The following PLXNA4 variants were observed in gnomAD, a reference collection of about 807,000 sequenced individuals.
The protein encoded by PLXNA4 is plexin-A4.
PLXNA4 carries 44 observed loss-of-function variants against 191.8 expected under a neutral mutation model. The observed-to-expected ratio is 0.23, with a 90% CI of 0.18 to 0.29. The LOEUF (loss-of-function observed/expected upper bound fraction) is 0.29, where lower values mean the gene tolerates loss of function less well. PLXNA4 is among the 10% of genes least tolerant of loss of function. The pLI, the probability that PLXNA4 is intolerant of heterozygous loss-of-function variation, is 1.00. For missense variants in PLXNA4, 1,800 were observed against 2,488.8 expected (o/e 0.72, Z 5.89); for synonymous variants, 1,082 against 1,009.5 (o/e 1.07, Z -1.36).
chr7:132,294,253 G>C (rs73157263), intron 4 of PLXNA4, among the ~76,000 whole-genome samples: 15,380 of 152,208 alleles, frequency 0.1, 882 homozygotes, highest in Middle Eastern at 0.16. Flanking sequence ...GGAACAACCA[G>C]GACAAAGATC....
At position 132,185,541 on chromosome 7, in the gene PLXNA4, C is replaced by T. The variant is rs368994338; in HGVS notation, c.2994-78G>A. On this transcript the variant is annotated intron_variant, in intron 15 of 31. Coordinates refer to ENST00000321063, the MANE Select transcript of PLXNA4 (RefSeq NM_020911.2). The stretch of plus-strand genomic sequence containing the variant: ...GTCCTGAGTCAAGGCCCTCCCACAC[C>T]GCTCCCTGCATGTCAGGATGCTCAG... 673 of 1,517,098 alleles carry T rather than the reference C, an allele frequency of 4.4e-4. 1 individual carries two copies. The Middle Eastern group carries it at 8.8e-3, about 20-fold the overall frequency. The allele number at this position is 1,517,098 out of a possible 1,614,324, so 94.0% of individuals were successfully genotyped here. A position where few individuals can be genotyped will look rare whatever the true frequency, so the allele number is the denominator to read the frequency against.
chr7:132,293,591 C>G (rs1800970146), intron 4 of PLXNA4, among the ~76,000 whole-genome samples: 1 of 152,182 alleles, frequency 6.6e-6, no homozygotes, highest in South Asian at 2.1e-4. Flanking sequence ...AACACCAGGA[C>G]AAAAAGGTTG....
At position 132,489,326 on chromosome 7, in the gene PLXNA4, G is replaced by A; in HGVS notation, c.1337C>T (p.Ala446Val). ...IAYVYKNHSL[A>V]FVGTKSGKLK... ...CTTGCCACTTTTGGTGCCCACAAAG[G>A]CCAGAGAGTGGTTCTTGTAGACATA... Residue 446 changes from alanine to valine, a missense_variant, in exon 3 of 32, where the codon GCC (alanine) becomes GTC (valine). Ala to Val is a moderately conservative substitution (Grantham distance 64). Coordinates refer to ENST00000321063, the MANE Select transcript of PLXNA4 (RefSeq NM_020911.2). 4 of 1,592,688 alleles carry A rather than the reference G, an allele frequency of 2.5e-6. No individual in the cohort carries two copies. In the South Asian group the frequency reaches 4.4e-5, roughly 18 times the overall value.
intron 4 of PLXNA4, among the ~76,000 whole-genome samples, chr7:132,296,531 C>T (rs1288642573): frequency 2.0e-5 from 3 of 151,870 alleles, no homozygotes; most frequent in African/African-American, 7.3e-5. Context: ...CCTTGGCCTC[C>T]CGAGCAGCTG....
chr7:132,312,913 G>A (rs1801801288), intron 3 of PLXNA4, among the ~76,000 whole-genome samples: 1 of 152,184 alleles, frequency 6.6e-6, no homozygotes, highest in South Asian at 2.1e-4. Flanking sequence ...ACTGACCCAT[G>A]ACACACCTCT....
chr7:132,247,217 A>G (rs61213001), intron 4 of PLXNA4, among the ~76,000 whole-genome samples: 1 of 152,194 alleles, frequency 6.6e-6, no homozygotes, highest in African/African-American at 2.4e-5. Context: ...TATAGCATGC[A>G]GTCTCTGTGT....
intron 3 of PLXNA4, among the ~76,000 whole-genome samples, chr7:132,311,241 G>A (rs185461679): frequency 5.8e-4 from 88 of 151,062 alleles, no homozygotes; most frequent in African/African-American, 1.9e-3. Context: ...GGATGCATGT[G>A]ACGTTACCCA....
At chr7:132,571,760 C>T (rs969999046) in intron 1 of PLXNA4, among the ~76,000 whole-genome samples, 1 of 152,162 alleles carries the variant, frequency 6.6e-6, no homozygotes, top group Middle Eastern at 3.2e-3. Context: ...TTGAAGCAGT[C>T]ACCAGGGAGA....
Position 132,603,247 on chromosome 7 carries a change from T to C in PLXNA4, c.-87+42681A>G, listed in dbSNP as rs561909154. 1.7e-4 allele frequency among the ~76,000 whole-genome samples: 21 copies of C among 123,304 alleles called. No individual in the cohort carries two copies. In the South Asian group the frequency reaches 5.2e-3, roughly 31 times the overall value. The allele number at this position is 123,304 out of a possible 152,430, so 80.9% of individuals were successfully genotyped here. On this transcript the variant is annotated intron_variant, in intron 2 of 4. Coordinates refer to the PLXNA4 transcript ENST00000378539. Reference sequence around the variant, plus strand: ...ACTGCTGGGATCTGTATTCTCTTTATTGAAAAAAAAATATCAAATGGACTG... The same window carrying C: ...ACTGCTGGGATCTGTATTCTCTTTACTGAAAAAAAAATATCAAATGGACTG...
intron 2 of PLXNA4, among the ~76,000 whole-genome samples, chr7:132,607,559 G>A (rs535126777): frequency 1.7e-4 from 26 of 152,342 alleles, no homozygotes; most frequent in African/African-American, 5.8e-4. Flanking sequence ...TTTGACAGAA[G>A]CACCTTAATG....
intron 3 of PLXNA4, among the ~76,000 whole-genome samples, chr7:132,457,607 A>G (rs903012617): frequency 3.3e-5 from 5 of 152,186 alleles, no homozygotes; most frequent in African/African-American, 9.7e-5. Flanking sequence ...TCCCTTATAC[A>G]TTACCTTCTA....
chr7:132,452,740 G>T (rs570646721), intron 3 of PLXNA4, among the ~76,000 whole-genome samples: 25 of 152,312 alleles, frequency 1.6e-4, no homozygotes, highest in Non-Finnish European at 3.1e-4. Context: ...AGATGGGGTT[G>T]GACATGAGCA....
At chr7:132,521,443 C>A (rs2116365476) in intron 1 of PLXNA4, among the ~76,000 whole-genome samples, 1 of 152,270 alleles carries the variant, frequency 6.6e-6, no homozygotes, top group East Asian at 1.9e-4. Flanking sequence ...ATTCCTTACT[C>A]CCAAGAATTA....
chr7:132,347,187 T>C (rs1278422790), intron 3 of PLXNA4, among the ~76,000 whole-genome samples: 1 of 152,202 alleles, frequency 6.6e-6, no homozygotes, highest in Non-Finnish European at 1.5e-5. Context: ...ATCAAAGCAC[T>C]CTCAGCTGAA....
chr7:132,460,542 G>A (rs528989255), intron 3 of PLXNA4, among the ~76,000 whole-genome samples: 5 of 152,268 alleles, frequency 3.3e-5, no homozygotes, highest in Admixed American at 2.0e-4. Flanking sequence ...AACCTTGGGT[G>A]ATGTTTTGCC....
At chr7:132,427,652 C>T (rs1397546067) in intron 3 of PLXNA4, among the ~76,000 whole-genome samples, 1 of 152,174 alleles carries the variant, frequency 6.6e-6, no homozygotes, top group African/African-American at 2.4e-5. Flanking sequence ...TGGGGTCAGA[C>T]CTGCTGGGCT....
At chr7:132,609,729 C>T (rs1476948260) in intron 2 of PLXNA4, among the ~76,000 whole-genome samples, 1 of 152,214 alleles carries the variant, frequency 6.6e-6, no homozygotes, top group Non-Finnish European at 1.5e-5. Flanking sequence ...AGATTTGAAC[C>T]TCTGGCTGTC....
rs142935521 is a variant in PLXNA4, at chr7:132,443,366, G to A, written c.1371+45926C>T. On this transcript the variant is annotated intron_variant, in intron 3 of 31. Transcript: ENST00000321063. ...TCCCAAGCCTTCAGAGAGAGCAGTC[G>A]CACTGCCTGAAGTTTAAATCAACTA... Among the ~76,000 whole-genome samples, 580 of 152,266 alleles carry A rather than the reference G, an allele frequency of 3.8e-3. 9 individuals are homozygous for A. The highest frequency in any genetic ancestry group is 0.013 in the African/African-American group (559 of 41,554).
At chr7:132,563,084 C>T (rs1390686471) in intron 1 of PLXNA4, among the ~76,000 whole-genome samples, 1 of 88,654 alleles carries the variant, frequency 1.1e-5, no homozygotes, top group Non-Finnish European at 2.4e-5. Context: ...TCCTTCTCCT[C>T]CTCCTCTTCT....
Sources: allele counts gnomAD v4.1 joint callset (sites outside exome capture counted in the v4.1 genomes callset), GRCh38; gene constraint gnomAD v4.1.1; transcripts MANE v1.5; gene names NCBI Gene and HGNC (gene_info 2026-07-23, HGNC 2026-07-21).